The following ARHGAP26 variants were observed in gnomAD, a reference collection of about 807,000 sequenced individuals.
The protein encoded by ARHGAP26 is rho GTPase-activating protein 26.
In ARHGAP26, 38 loss-of-function variants were observed where a neutral mutation model predicts 104.8. The observed-to-expected ratio is 0.36, with a 90% CI of 0.28 to 0.48. ARHGAP26 has a LOEUF of 0.48. Among genes scored for constraint, ARHGAP26 ranks in the 20% least tolerant of loss-of-function variants. The pLI is 0.99. For missense variants in ARHGAP26, 704 were observed against 947.9 expected (o/e 0.74, Z 3.38); for synonymous variants, 341 against 340.0 (o/e 1.00, Z -0.03).
intron 11 of ARHGAP26, among the ~76,000 whole-genome samples, chr5:142,944,660 C>T (rs755640472): frequency 6.6e-6 from 1 of 152,142 alleles, no homozygotes; most frequent in Non-Finnish European, 1.5e-5. Flanking sequence ...AATCTTTTCT[C>T]ATGTTTATTG....
At chr5:142,998,159 A>G (rs956935105) in intron 11 of ARHGAP26, among the ~76,000 whole-genome samples, 1 of 152,170 alleles carries the variant, frequency 6.6e-6, no homozygotes, top group Non-Finnish European at 1.5e-5. Flanking sequence ...CTCTATATGT[A>G]TGTGTGTATA....
chr5:143,198,205 A>G (rs1807161852), intron 20 of ARHGAP26, among the ~76,000 whole-genome samples: 1 of 152,232 alleles, frequency 6.6e-6, no homozygotes, highest in Admixed American at 6.5e-5. Flanking sequence ...CAATTGTACC[A>G]TACTCAATTT....
intron 11 of ARHGAP26, among the ~76,000 whole-genome samples, chr5:142,950,766 C>T (rs750640065): frequency 2.0e-5 from 3 of 152,104 alleles, no homozygotes; most frequent in South Asian, 4.1e-4. Flanking sequence ...ATACACAACA[C>T]AAAGATGACT....
At chr5:142,775,520 A>G (rs1027407992) in intron 1 of ARHGAP26, among the ~76,000 whole-genome samples, 1 of 152,208 alleles carries the variant, frequency 6.6e-6, no homozygotes, top group Non-Finnish European at 1.5e-5. Context: ...GTCATTTTTA[A>G]GTATATAATG....
chr5:142,868,242 TGTGGTGGCAG>T (rs1754674879), intron 1 of ARHGAP26, among the ~76,000 whole-genome samples: 1 of 152,068 alleles, frequency 6.6e-6, no homozygotes, highest in African/African-American at 2.4e-5. Flanking sequence ...AGAGGTGGCA[TGTGGTGGCAG>T]GTAGGAGTTG....
At chr5:142,978,119 T>A (rs1185127955) in intron 11 of ARHGAP26, among the ~76,000 whole-genome samples, 2 of 152,124 alleles carry the variant, frequency 1.3e-5, no homozygotes, top group African/African-American at 2.4e-5. Flanking sequence ...GTCTTAAAAA[T>A]TTTTTTTCTG....
At chr5:143,128,015 G>A (rs1268072830) in intron 18 of ARHGAP26, among the ~76,000 whole-genome samples, 2 of 152,108 alleles carry the variant, frequency 1.3e-5, no homozygotes, top group East Asian at 3.8e-4. Context: ...CCTTCCAATG[G>A]TTCTTGCTTG....
intron 21 of ARHGAP26, among the ~76,000 whole-genome samples, chr5:143,211,795 A>C (rs1228974461): frequency 6.6e-6 from 1 of 152,062 alleles, no homozygotes; most frequent in East Asian, 1.9e-4. Flanking sequence ...TCCTGGGCTC[A>C]AGCAATCCTC....
At chr5:143,044,869 T>C (rs1784005999) in intron 14 of ARHGAP26, among the ~76,000 whole-genome samples, 1 of 152,130 alleles carries the variant, frequency 6.6e-6, no homozygotes, top group African/African-American at 2.4e-5. Context: ...AAATAGGTGC[T>C]CTGAAGTCAG....
chr5:142,830,345 T>G (rs1271429914), intron 1 of ARHGAP26, among the ~76,000 whole-genome samples: 2 of 152,186 alleles, frequency 1.3e-5, no homozygotes, highest in Non-Finnish European at 2.9e-5. Context: ...ATTAGTGCAA[T>G]TGAGAGTGAC....
intron 4 of ARHGAP26, among the ~76,000 whole-genome samples, chr5:142,882,316 C>T (rs1190369475): frequency 1.3e-5 from 2 of 152,174 alleles, no homozygotes; most frequent in South Asian, 2.1e-4. Flanking sequence ...ATGCTTAAAA[C>T]GGTGTCTGTC....
intron 11 of ARHGAP26, among the ~76,000 whole-genome samples, chr5:142,955,559 G>T (rs1472457211): frequency 6.6e-6 from 1 of 152,100 alleles, no homozygotes; most frequent in Non-Finnish European, 1.5e-5. Flanking sequence ...CACTTATGGG[G>T]ATTTATGGAT....
chr5:143,002,153 A>G, intron 11 of ARHGAP26, among the ~76,000 whole-genome samples: 1 of 152,130 alleles, frequency 6.6e-6, no homozygotes, highest in East Asian at 1.9e-4. Context: ...TCCTGGAAGA[A>G]GGGACTGGAG....
At chr5:143,045,858 G>C (rs1013290198) in intron 14 of ARHGAP26, among the ~76,000 whole-genome samples, 3 of 152,196 alleles carry the variant, frequency 2.0e-5, no homozygotes, top group African/African-American at 7.2e-5. Context: ...ATTAGGCTGG[G>C]TGTGGTGGCT....
At chr5:142,799,493 C>A (rs1162757823) in intron 1 of ARHGAP26, among the ~76,000 whole-genome samples, 1 of 152,198 alleles carries the variant, frequency 6.6e-6, no homozygotes, top group South Asian at 2.1e-4. Context: ...GTATTTGTAC[C>A]TGTGAATTCC....
intron 11 of ARHGAP26, among the ~76,000 whole-genome samples, chr5:142,974,406 C>A (rs543976795): frequency 6.6e-6 from 1 of 151,882 alleles, no homozygotes; most frequent in African/African-American, 2.4e-5. Context: ...TAATATGGAG[C>A]GCGAATGTTT....
chr5:143,107,769 G>A (rs1794222481), intron 17 of ARHGAP26, among the ~76,000 whole-genome samples: 1 of 152,194 alleles, frequency 6.6e-6, no homozygotes, highest in African/African-American at 2.4e-5. Flanking sequence ...TCTGCCTAAT[G>A]ATAGTTGGTT....
At chr5:142,796,184 T>A (rs1311879713) in intron 1 of ARHGAP26, among the ~76,000 whole-genome samples, 1 of 152,132 alleles carries the variant, frequency 6.6e-6, no homozygotes, top group Non-Finnish European at 1.5e-5. Flanking sequence ...TGGCATCTGC[T>A]GTATGGACAA....
chr5:143,143,351 G>A (rs1798785389), intron 19 of ARHGAP26, among the ~76,000 whole-genome samples: 1 of 152,162 alleles, frequency 6.6e-6, no homozygotes, highest in South Asian at 2.1e-4. Flanking sequence ...CCATTAGAGT[G>A]GGTCGGAGTC....
Sources: allele counts gnomAD v4.1 joint callset (sites outside exome capture counted in the v4.1 genomes callset), GRCh38; gene constraint gnomAD v4.1.1; transcripts MANE v1.5; gene names NCBI Gene and HGNC (gene_info 2026-07-23, HGNC 2026-07-21).